UNC5A: variants seen among roughly 807,000 people sequenced by gnomAD.
The protein encoded by UNC5A is unc-5 netrin receptor A, also known as netrin receptor UNC5A.
A neutral mutation model predicts 87.4 loss-of-function variants in UNC5A; 20 were observed. The observed-to-expected ratio is 0.23, with a 90% CI of 0.16 to 0.33. The LOEUF (loss-of-function observed/expected upper bound fraction) is 0.33, where lower values mean the gene tolerates loss of function less well. UNC5A is among the 10% of genes least tolerant of loss of function. UNC5A has a pLI of 1.00. For synonymous variants in UNC5A, 438 were observed against 482.3 expected, an observed-to-expected ratio of 0.91 and a Z score of 1.20; for missense variants, 844 against 1,133.4, an observed-to-expected ratio of 0.74 and a Z score of 3.67.
intron 2 of UNC5A, among the ~76,000 whole-genome samples, chr5:176,863,934 C>T (rs995859391): frequency 6.7e-6 from 1 of 149,842 alleles, no homozygotes; most frequent in African/African-American, 2.5e-5. Context: ...TGGAGCACCC[C>T]ACGCATAATG....
intron 1 of UNC5A, among the ~76,000 whole-genome samples, chr5:176,849,194 G>A (rs1757484129): frequency 6.6e-6 from 1 of 152,212 alleles, no homozygotes; most frequent in African/African-American, 2.4e-5. Flanking sequence ...CGACTTGTTT[G>A]GCCCACGGAG....
In UNC5A at chr5:176,866,287, G is replaced by A. The variant is rs1757972773; in HGVS notation, c.293-1843G>A. On this transcript the variant is annotated intron_variant, in intron 2 of 14. Coordinates refer to ENST00000329542, the MANE Select transcript of UNC5A (RefSeq NM_133369.3). The surrounding 1 kb of genome is among the most constrained non-coding windows in gnomAD (Gnocchi z 5.0). Reference sequence around the variant, plus strand: ...GGCCGGGTCTGCAGCCCCCGCCTCAGGCACTGCCCTCCAGGAGCTTGTGGG... The same window carrying A: ...GGCCGGGTCTGCAGCCCCCGCCTCAAGCACTGCCCTCCAGGAGCTTGTGGG... Among the ~76,000 whole-genome samples, 2 of 152,210 alleles carry A rather than the reference G, an allele frequency of 1.3e-5. No individual in the cohort carries two copies.
In UNC5A at chr5:176,874,391, C is replaced by T; in HGVS notation, c.1203C>T (p.Ser401=). Residue 401 remains serine (S), a synonymous_variant, in exon 8 of 15, where the codon AGC becomes AGT. Transcript: ENST00000329542. This position sits in a 1 kb window ranked among gnomAD's most constrained non-coding sequence, Gnocchi z 7.6. ...AGCTCACCAATGGGCACCTGCTCAG[C>T]CCCCTGGGTGGCGGCCGCCACACAC... ...KFQLTNGHLL[S]PLGGGRHTLH... 1 of 1,613,688 alleles carries T rather than the reference C, an allele frequency of 6.2e-7. No homozygotes were observed. Among genetic ancestry groups the T allele is most frequent in the East Asian group, 2.2e-5 (1 of 44,876 alleles).
rs533369295 is a variant in UNC5A, at chr5:176,839,702, C to T, written c.71-22922C>T. Among the ~76,000 whole-genome samples, 4 of 151,368 alleles carry T rather than the reference C, an allele frequency of 2.6e-5. No homozygotes were observed. The South Asian group carries it at 6.3e-4, about 24-fold the overall frequency. On this transcript the variant is annotated intron_variant, in intron 1 of 14. Coordinates refer to ENST00000329542, the MANE Select transcript of UNC5A (RefSeq NM_133369.3). ...GTGGGTGATCTGGCCTGAGTGGAGG[C>T]GCTCTGGGGAGGGCCTGGGGGTCCT...
At chr5:176,870,688 C>A in intron 6 of UNC5A, 154 bp downstream of exon 6, 1 of 868,934 alleles carries the variant, frequency 1.2e-6, no homozygotes, top group Non-Finnish European at 1.7e-6. Context: ...CCTTAGCATA[C>A]CTGCACATGG....
chr5:176,874,627 G>A lies in UNC5A; in HGVS notation c.1378+61G>A. ...TTCCCTCCTGGAGGAGGACGGGACA[G>A]CCGGACGTTCCTCTCGTGCCCCTCG... On this transcript the variant is annotated intron_variant, in intron 8 of 14. Coordinates refer to ENST00000329542, the MANE Select transcript of UNC5A (RefSeq NM_133369.3). This position sits in a 1 kb window ranked among gnomAD's most constrained non-coding sequence, Gnocchi z 7.6. The A allele has an allele frequency of 6.8e-7, 1 of 1,477,056 alleles. No homozygotes were observed. Among genetic ancestry groups the A allele is most frequent in the Non-Finnish European group, 9.0e-7 (1 of 1,109,488 alleles). The allele number at this position is 1,477,056 out of a possible 1,614,324, so 91.5% of individuals were successfully genotyped here.
At position 176,844,392 on chromosome 5, in the gene UNC5A, T is replaced by C. The variant is rs1004996861; in HGVS notation, c.71-18232T>C. 6.6e-6 allele frequency among the ~76,000 whole-genome samples: 1 copy of C among 152,076 alleles called. No homozygotes were observed. The highest frequency in any genetic ancestry group is 2.1e-4 in the South Asian group (1 of 4,822). ...CAGCCTCACTCTGTTCTCCTGGGCCTTCCCTGTGCCAGGGAAGGAGAGGCC... is the reference window on the plus strand; with the variant it reads ...CAGCCTCACTCTGTTCTCCTGGGCCCTCCCTGTGCCAGGGAAGGAGAGGCC... On this transcript the variant is annotated intron_variant, in intron 1 of 14. Transcript: ENST00000329542. This position sits in a 1 kb window ranked among gnomAD's most constrained non-coding sequence, Gnocchi z 4.2.
At chr5:176,829,144 A>G (rs1257701592) in intron 1 of UNC5A, among the ~76,000 whole-genome samples, 2 of 135,238 alleles carry the variant, frequency 1.5e-5, no homozygotes, top group East Asian at 2.2e-4. Flanking sequence ...AAAAAAAAAA[A>G]AAAAGAAAGA....
At chr5:176,849,561 G>A (rs1024701201) in intron 1 of UNC5A, among the ~76,000 whole-genome samples, 2 of 152,132 alleles carry the variant, frequency 1.3e-5, no homozygotes, top group Admixed American at 1.3e-4. Context: ...CTCCAGCCTG[G>A]GCAACTGCGT....
intron 1 of UNC5A, among the ~76,000 whole-genome samples, chr5:176,837,797 G>C (rs1294925748): frequency 6.6e-6 from 1 of 151,984 alleles, no homozygotes; most frequent in Non-Finnish European, 1.5e-5. Context: ...AGCCCCAGGC[G>C]CTCCACAGAT....
chr5:176,818,199 G>A (rs534190714), intron 1 of UNC5A, among the ~76,000 whole-genome samples: 3 of 152,338 alleles, frequency 2.0e-5, no homozygotes, highest in Non-Finnish European at 2.9e-5. Context: ...GAAGACCCCG[G>A]GCTGATCTCG....
At chr5:176,870,596 G>A (rs1226063554) in intron 6 of UNC5A, 62 bp downstream of exon 6, 2 of 1,505,664 alleles carry the variant, frequency 1.3e-6, no homozygotes, top group Admixed American at 2.0e-5. Context: ...CCCAGCCCTG[G>A]GGAGGTGGGG....
intron 1 of UNC5A, among the ~76,000 whole-genome samples, chr5:176,815,082 G>A (rs1485065091): frequency 6.6e-6 from 1 of 152,216 alleles, no homozygotes; most frequent in Admixed American, 6.5e-5. Context: ...GGCCACTCAC[G>A]CAAGTTGTAT....
chr5:176,877,102 C>T (rs374706274), intron 8 of UNC5A, 90 bp from the exon 9 acceptor site: 1 of 1,084,662 alleles, frequency 9.2e-7, no homozygotes. Context: ...ACCAGTCAGT[C>T]CTCACAGGAA....
rs747726706 is a variant in UNC5A, at chr5:176,874,278, C to T, written c.1090C>T (p.Leu364Phe). The T allele has an allele frequency of 6.3e-7, 1 of 1,592,338 alleles. No homozygotes were observed. Among genetic ancestry groups the T allele is most frequent in the Non-Finnish European group, 8.6e-7 (1 of 1,167,670 alleles). ...KPSKADNPHL[L>F]TIQPDLSTTT... ...TTATCCTGCAGACAACCCCCATCTG[C>T]TCACCATCCAGCCGGACCTCAGCAC... Residue 364 changes from leucine (L) to phenylalanine (F), a missense_variant, in exon 8 of 15, where the codon CTC becomes TTC. This residue lies in a region of UNC5A where 353 missense variants were observed against 387.5 expected (regional missense o/e 0.91). Transcript: ENST00000329542. The surrounding 1 kb of genome is among the most constrained non-coding windows in gnomAD (Gnocchi z 7.6).
Position 176,874,348 on chromosome 5 carries a change from GGCCC to G in UNC5A, c.1161_1164del (p.Pro388AlafsTer54), listed in dbSNP as rs1758207314. The G allele has an allele frequency of 6.2e-7, 1 of 1,613,478 alleles. No individual in the cohort carries two copies. Among genetic ancestry groups the G allele is most frequent in the Non-Finnish European group, 8.5e-7 (1 of 1,179,864 alleles). ...GGCAGTCTCTGTCCCCGGCAGGATG[GGCCC>G]AGCCCCAAGTTCCAGCTCACCAATG... On this transcript the variant is annotated frameshift_variant, in exon 8 of 15. Coordinates refer to ENST00000329542, the MANE Select transcript of UNC5A (RefSeq NM_133369.3). LOFTEE classifies it high-confidence loss of function. This position sits in a 1 kb window ranked among gnomAD's most constrained non-coding sequence, Gnocchi z 7.6.
chr5:176,879,264 G>A (rs1199868428), intron 13 of UNC5A, 46 bp from the exon 14 acceptor site: 2 of 1,529,618 alleles, frequency 1.3e-6, no homozygotes, highest in East Asian at 4.6e-5. Flanking sequence ...GTGGACCCGG[G>A]CCTGGGGAAA....
In UNC5A at chr5:176,868,900, C is replaced by T. The variant is rs1414341864; in HGVS notation, c.657C>T (p.Tyr219=). The T allele has an allele frequency of 4.3e-6, 7 of 1,612,688 alleles. No individual in the cohort carries two copies. The Admixed American group carries it at 5.0e-5, about 12-fold the overall frequency. Residue 219 remains tyrosine (Y), a synonymous_variant, in exon 5 of 15, where the codon TAC becomes TAT. Coordinates refer to ENST00000329542, the MANE Select transcript of UNC5A (RefSeq NM_133369.3). ...CCCGCCTTGCTGACACGGCCAACTA[C>T]ACCTGCGTGGCCAAGAACATCGTGG... The part of the protein sequence containing the change: ...RQARLADTAN[Y]TCVAKNIVAR...
intron 1 of UNC5A, among the ~76,000 whole-genome samples, chr5:176,813,436 T>C (rs961768558): frequency 1.3e-5 from 2 of 152,204 alleles, no homozygotes; most frequent in African/African-American, 4.8e-5. Context: ...CTTGGGAGAA[T>C]GCAGCTGGCT....
Sources: allele counts gnomAD v4.1 joint callset (sites outside exome capture counted in the v4.1 genomes callset), GRCh38; gene constraint gnomAD v4.1.1; regional missense constraint gnomAD v4.1.1; non-coding constraint Gnocchi (gnomAD v3.1); transcripts MANE v1.5; gene names NCBI Gene and HGNC (gene_info 2026-07-23, HGNC 2026-07-21).